RORA: variants seen among roughly 807,000 people sequenced by gnomAD.
The protein encoded by RORA is RAR related orphan receptor A.
Under a neutral mutation model 69.5 loss-of-function variants are expected in RORA, and 7 were observed. The observed-to-expected ratio is 0.10, with a 90% CI of 0.06 to 0.19. RORA has a LOEUF of 0.19. RORA is among the 10% of genes least tolerant of loss of function. The pLI is 1.00. For missense variants in RORA, 457 were observed against 663.0 expected (o/e 0.69, Z 3.41); for synonymous variants, 261 against 240.8 (o/e 1.08, Z -0.78).
chr15:60,691,640 G>T (rs972189137), intron 1 of RORA, among the ~76,000 whole-genome samples: 1 of 152,136 alleles, frequency 6.6e-6, no homozygotes, highest in African/African-American at 2.4e-5. Flanking sequence ...AAACTGGAAG[G>T]CTACATACAA....
At chr15:60,670,959 A>G (rs1213755753) in intron 2 of RORA, among the ~76,000 whole-genome samples, 2 of 151,814 alleles carry the variant, frequency 1.3e-5, no homozygotes, top group African/African-American at 4.9e-5. Flanking sequence ...ACAGATTGCA[A>G]TAAAAAGAGA....
At chr15:61,036,823 T>G (rs1007524418) in intron 1 of RORA, among the ~76,000 whole-genome samples, 1 of 147,238 alleles carries the variant, frequency 6.8e-6, no homozygotes, top group Non-Finnish European at 1.5e-5. Flanking sequence ...CCCCTGCCCT[T>G]CTCCCAAAAC....
At chr15:60,628,801 C>T (rs1267870369) in intron 2 of RORA, among the ~76,000 whole-genome samples, 3 of 152,140 alleles carry the variant, frequency 2.0e-5, no homozygotes, top group African/African-American at 7.2e-5. Flanking sequence ...AGACGGTATG[C>T]ACCCAAATGT....
At chr15:60,716,495 A>G (rs1241117375) in intron 1 of RORA, among the ~76,000 whole-genome samples, 1 of 152,224 alleles carries the variant, frequency 6.6e-6, no homozygotes, top group Non-Finnish European at 1.5e-5. Context: ...CACATCTGTA[A>G]TATGGAGCTA....
chr15:60,589,622 A>G (rs191717415), intron 2 of RORA, among the ~76,000 whole-genome samples: 28 of 152,358 alleles, frequency 1.8e-4, no homozygotes, highest in African/African-American at 6.0e-4. Flanking sequence ...TTAATTAAAC[A>G]AAAGCAAAAT....
intron 1 of RORA, among the ~76,000 whole-genome samples, chr15:61,064,790 C>A (rs1460418972): frequency 6.6e-6 from 1 of 152,166 alleles, no homozygotes; most frequent in East Asian, 1.9e-4. Context: ...CATCCCCTTT[C>A]TTGGCACAGA....
At chr15:61,152,015 T>C (rs2079402316) in intron 1 of RORA, among the ~76,000 whole-genome samples, 1 of 152,122 alleles carries the variant, frequency 6.6e-6, no homozygotes, top group South Asian at 2.1e-4. Context: ...TCAGTCAGAG[T>C]AGTTTGGGAA....
At chr15:60,885,475 C>T (rs1038438627) in intron 1 of RORA, among the ~76,000 whole-genome samples, 4 of 152,126 alleles carry the variant, frequency 2.6e-5, no homozygotes, top group African/African-American at 9.7e-5. Flanking sequence ...CCGGCCTAGC[C>T]CTGTCTGAAT....
At chr15:61,021,785 A>G (rs1895538871) in intron 1 of RORA, among the ~76,000 whole-genome samples, 1 of 152,204 alleles carries the variant, frequency 6.6e-6, no homozygotes, top group Non-Finnish European at 1.5e-5. Flanking sequence ...ATCAATAATT[A>G]CAACAGGAAA....
intron 1 of RORA, among the ~76,000 whole-genome samples, chr15:60,693,037 T>A (rs538337383): frequency 6.6e-6 from 1 of 152,138 alleles, no homozygotes; most frequent in Admixed American, 6.5e-5. Flanking sequence ...TGAACATTGA[T>A]GCAAAAATCC....
chr15:61,064,409 T>C (rs948162206), intron 1 of RORA, among the ~76,000 whole-genome samples: 1 of 152,234 alleles, frequency 6.6e-6, no homozygotes, highest in African/African-American at 2.4e-5. Context: ...TCTTACTGGC[T>C]TTATATTAGA....
At chr15:60,525,158 G>A (rs985753705) in intron 3 of RORA, among the ~76,000 whole-genome samples, 8 of 152,210 alleles carry the variant, frequency 5.3e-5, no homozygotes, top group African/African-American at 1.7e-4. Flanking sequence ...TCAGATGAGG[G>A]AGATGGCATT....
At chr15:60,597,551 C>CACAAA (rs1555435946) in intron 2 of RORA, among the ~76,000 whole-genome samples, 1 of 25,136 alleles carries the variant, frequency 4.0e-5, no homozygotes, top group African/African-American at 1.4e-4. Context: ...ACACACACAA[C>CACAAA]ATATATATAT....
chr15:60,561,084 T>TTG (rs1350197406), intron 2 of RORA, among the ~76,000 whole-genome samples: 2 of 144,030 alleles, frequency 1.4e-5, no homozygotes, highest in African/African-American at 5.6e-5. Flanking sequence ...TTGTTTTTGT[T>TTG]TTTTTTTTTG....
At chr15:60,696,002 A>C (rs1340573914) in intron 1 of RORA, among the ~76,000 whole-genome samples, 1 of 152,044 alleles carries the variant, frequency 6.6e-6, no homozygotes, top group African/African-American at 2.4e-5. Flanking sequence ...CTCCTACATC[A>C]CTTATAAGCT....
chr15:60,955,097 T>C (rs1028344312), intron 1 of RORA, among the ~76,000 whole-genome samples: 1 of 151,994 alleles, frequency 6.6e-6, no homozygotes, highest in Non-Finnish European at 1.5e-5. Context: ...AGGTTAGGAG[T>C]TCGAGACCAG....
chr15:61,205,922 A>G (rs763673276), intron 1 of RORA, among the ~76,000 whole-genome samples: 2 of 152,152 alleles, frequency 1.3e-5, no homozygotes, highest in Non-Finnish European at 2.9e-5. Flanking sequence ...GGCACGAGCC[A>G]TGGTCGAGAG....
In RORA at chr15:60,519,413, C is replaced by T. The variant is rs192431718; in HGVS notation, c.283-4656G>A. ...TGTAGTGACTTGCTCAGAGTCCTCG[C>T]TGTAGCATGGGGTAAAGCCAGGATA... On this transcript the variant is annotated intron_variant, in intron 3 of 10. Transcript: ENST00000335670. Among the ~76,000 whole-genome samples the T allele has an allele frequency of 2.6e-5, 4 of 152,300 alleles. No individual in the cohort carries two copies. In the East Asian group the frequency reaches 7.7e-4, roughly 29 times the overall value.
rs144127555 is a variant in RORA, at chr15:61,039,565, G to A, written c.166+189488C>T. Among the ~76,000 whole-genome samples, 606 of 151,872 alleles carry A rather than the reference G, an allele frequency of 4.0e-3. 13 individuals carry two copies. The East Asian group carries it at 0.069, about 17-fold the overall frequency. ...TCGAGACCAGCCTGACCAACATGGTGAAACCTGTCTCTACTAAGAAAATAC... is the reference window on the plus strand; with the variant it reads ...TCGAGACCAGCCTGACCAACATGGTAAAACCTGTCTCTACTAAGAAAATAC... On this transcript the variant is annotated intron_variant, in intron 1 of 10. Coordinates refer to ENST00000335670, the MANE Select transcript of RORA (RefSeq NM_134261.3).
Sources: allele counts gnomAD v4.1 joint callset (sites outside exome capture counted in the v4.1 genomes callset), GRCh38; gene constraint gnomAD v4.1.1; transcripts MANE v1.5; gene names NCBI Gene and HGNC (gene_info 2026-07-23, HGNC 2026-07-21).